Variants in DLC1 observed in about 807,000 individuals in gnomAD.
DLC1 encodes DLC1 Rho GTPase activating protein.
DLC1 carries 54 observed loss-of-function variants against 140.3 expected under a neutral mutation model. The observed-to-expected ratio is 0.38, with a 90% CI of 0.31 to 0.48. The LOEUF (loss-of-function observed/expected upper bound fraction) is 0.48, where lower values mean the gene tolerates loss of function less well. Among genes scored for constraint, DLC1 ranks in the 20% least tolerant of loss-of-function variants. DLC1 has a pLI of 0.96. For synonymous variants in DLC1, 986 were observed against 728.1 expected (o/e 1.35, Z -5.70); for missense variants, 2,536 against 1,907.0 (o/e 1.33, Z -6.14).
intron 2 of DLC1, among the ~76,000 whole-genome samples, chr8:13,444,685 A>C (rs576019749): frequency 6.6e-6 from 1 of 152,220 alleles, no homozygotes; most frequent in Non-Finnish European, 1.5e-5. Flanking sequence ...GTTATTTTTC[A>C]TACAAAATAT....
intron 5 of DLC1, among the ~76,000 whole-genome samples, chr8:13,292,392 C>T (rs941719919): frequency 5.9e-5 from 9 of 152,172 alleles, no homozygotes; most frequent in Non-Finnish European, 5.9e-5. Flanking sequence ...GAGTCAAGGT[C>T]ACAAGTTAGA....
chr8:13,238,699 C>G (rs1829404704), intron 5 of DLC1, among the ~76,000 whole-genome samples: 1 of 152,156 alleles, frequency 6.6e-6, no homozygotes, highest in Non-Finnish European at 1.5e-5. Context: ...CTCTCCTAGG[C>G]TGGGAGTCAC....
Position 13,514,613 on chromosome 8 carries a change from G to A in DLC1, c.-137C>T, listed in dbSNP as rs984339639. On this transcript the variant is annotated 5_prime_UTR_variant, in exon 1 of 18. Transcript: ENST00000276297. Reference sequence around the variant, plus strand: ...CCATAGCGTCTTACCTAGACAACGAGGAGCTGAAACGCCAAGGCATGACAC... The same window carrying A: ...CCATAGCGTCTTACCTAGACAACGAAGAGCTGAAACGCCAAGGCATGACAC... 2.8e-5 allele frequency: 11 copies of A among 398,430 alleles called. No homozygotes were observed. The highest frequency in any genetic ancestry group is 4.1e-5 in the African/African-American group (2 of 48,614). The allele number at this position is 398,430 out of a possible 1,614,324, so 24.7% of individuals were successfully genotyped here. A position where few individuals can be genotyped will look rare whatever the true frequency, so the allele number is the denominator to read the frequency against.
chr8:13,599,039 C>G (rs1982691), intron 1 of DLC1, among the ~76,000 whole-genome samples: 84,642 of 151,448 alleles, frequency 0.56, 23,889 homozygotes, highest in African/African-American at 0.62. Flanking sequence ...CAAAGAAGAA[C>G]GCAAAAGGAA....
At chr8:13,234,750 A>T (rs1479250525) in intron 5 of DLC1, among the ~76,000 whole-genome samples, 1 of 152,060 alleles carries the variant, frequency 6.6e-6, no homozygotes, top group Non-Finnish European at 1.5e-5. Flanking sequence ...TTGAAGCCAC[A>T]TTAAATCGGA....
chr8:13,294,960 A>C (rs1040338359), intron 5 of DLC1, among the ~76,000 whole-genome samples: 5 of 152,138 alleles, frequency 3.3e-5, no homozygotes, highest in African/African-American at 9.7e-5. Flanking sequence ...GCACAGAGTA[A>C]ATTCTTGTTA....
At chr8:13,495,943 T>G (rs1801480591) in intron 2 of DLC1, among the ~76,000 whole-genome samples, 1 of 152,224 alleles carries the variant, frequency 6.6e-6, no homozygotes, top group Admixed American at 6.5e-5. Context: ...ATTGAAGGAT[T>G]TGATTCAATC....
At chr8:13,585,366 C>T (rs1176505929) in intron 1 of DLC1, among the ~76,000 whole-genome samples, 3 of 151,628 alleles carry the variant, frequency 2.0e-5, no homozygotes, top group Admixed American at 6.6e-5. Flanking sequence ...AAGATCAAGA[C>T]CAGACTAGGA....
intron 6 of DLC1, among the ~76,000 whole-genome samples, chr8:13,114,734 T>TG (rs1281865660): frequency 6.6e-6 from 1 of 152,156 alleles, no homozygotes. Flanking sequence ...CAAACAAATG[T>TG]GGCCGAGTGA....
intron 5 of DLC1, among the ~76,000 whole-genome samples, chr8:13,257,481 T>C (rs1183883491): frequency 6.6e-6 from 1 of 150,994 alleles, no homozygotes; most frequent in Non-Finnish European, 1.5e-5. Context: ...ACATGTGCAT[T>C]GAACAAGTGA....
intron 3 of DLC1, among the ~76,000 whole-genome samples, chr8:13,399,058 C>T (rs1837177581): frequency 6.6e-6 from 1 of 152,086 alleles, no homozygotes; most frequent in Non-Finnish European, 1.5e-5. Context: ...AGGGGAGGCC[C>T]AATCAAAGGT....
chr8:13,329,540 A>T (rs1833502351), intron 4 of DLC1, among the ~76,000 whole-genome samples: 1 of 152,204 alleles, frequency 6.6e-6, no homozygotes, highest in African/African-American at 2.4e-5. Context: ...AGTTCAGGGA[A>T]GCTAGAAGAA....
chr8:13,154,520 C>T (rs780154997), intron 5 of DLC1, among the ~76,000 whole-genome samples: 4 of 152,202 alleles, frequency 2.6e-5, no homozygotes, highest in Non-Finnish European at 2.9e-5. Context: ...CGAGCCCATC[C>T]GGAACTCGTG....
intron 4 of DLC1, among the ~76,000 whole-genome samples, chr8:13,352,907 G>A (rs1834741183): frequency 1.3e-5 from 2 of 151,806 alleles, no homozygotes; most frequent in Non-Finnish European, 2.9e-5. Flanking sequence ...TCTGTGGAGA[G>A]GATAAACAAA....
intron 4 of DLC1, among the ~76,000 whole-genome samples, chr8:13,327,421 T>A (rs1833409891): frequency 6.6e-6 from 1 of 151,958 alleles, no homozygotes; most frequent in African/African-American, 2.4e-5. Context: ...TTTGTGCCCA[T>A]ACTTATTAAA....
chr8:13,209,855 C>A (rs1827853686), intron 5 of DLC1, among the ~76,000 whole-genome samples: 1 of 152,112 alleles, frequency 6.6e-6, no homozygotes, highest in African/African-American at 2.4e-5. Context: ...TTCTGTACAG[C>A]CTGCAGAACC....
chr8:13,386,620 A>T (rs556070982), intron 4 of DLC1, among the ~76,000 whole-genome samples: 1 of 152,156 alleles, frequency 6.6e-6, no homozygotes, highest in Non-Finnish European at 1.5e-5. Context: ...TATTTTAAAT[A>T]TAAAAGTAAA....
upstream of DLC1, among the ~76,000 whole-genome samples, chr8:13,516,466 T>A (rs1802589871): frequency 6.6e-6 from 1 of 152,190 alleles, no homozygotes; most frequent in South Asian, 2.1e-4. Context: ...TGCACAAGGT[T>A]CTAACTACTA....
chr8:13,268,479 G>C (rs1481668318), intron 5 of DLC1, among the ~76,000 whole-genome samples: 1 of 152,046 alleles, frequency 6.6e-6, no homozygotes, highest in African/African-American at 2.4e-5. Flanking sequence ...CAAACACCTG[G>C]GCTCAAGTAA....
Sources: gnomAD v4.1 joint callset for allele counts (sites outside exome capture counted in the v4.1 genomes callset) on GRCh38, gnomAD v4.1.1 for gene constraint, MANE v1.5 for transcripts, NCBI Gene and HGNC (gene_info 2026-07-23, HGNC 2026-07-21) for gene names.